MTMR10: variants seen among roughly 807,000 people sequenced by gnomAD.
MTMR10 encodes the protein myotubularin-related protein 10.
In MTMR10, 56 loss-of-function variants were observed where a neutral mutation model predicts 88.1. That is an observed-to-expected ratio of 0.64 (90% CI 0.51 to 0.79). The LOEUF is 0.79. MTMR10 is among the 30% of genes least tolerant of loss of function. MTMR10 has a pLI of 0.00. For synonymous variants in MTMR10, 380 were observed against 340.9 expected (o/e 1.11, Z -1.26); for missense variants, 883 against 924.7 (o/e 0.95, Z 0.58).
chr15:30,948,962 A>G (rs921208865), intron 12 of MTMR10: 1 of 154,648 alleles, frequency 6.5e-6, no homozygotes, highest in Non-Finnish European at 1.4e-5. Flanking sequence ...TATCAAAGTC[A>G]GCCAGGGAAA....
downstream of MTMR10, among the ~76,000 whole-genome samples, chr15:30,936,788 T>C (rs2062866849): frequency 6.6e-6 from 1 of 152,214 alleles, no homozygotes; most frequent in Admixed American, 6.5e-5. Context: ...CTGCAAACCG[T>C]AGAGTACTGG....
chr15:30,922,381 AC>A, the MTMR10 span: 3 of 1,574,634 alleles, frequency 1.9e-6, no homozygotes, highest in African/African-American at 4.1e-5. Context: ...CATATCTGAA[AC>A]ACCTTTTCAT....
At chr15:30,971,061 G>C (rs1174953479) in intron 5 of MTMR10, among the ~76,000 whole-genome samples, 1 of 151,968 alleles carries the variant, frequency 6.6e-6, no homozygotes, top group Non-Finnish European at 1.5e-5. Context: ...TGTTACTGTG[G>C]AACACTCCGA....
intron 13 of MTMR10, 49 bp from the exon 14 acceptor site, chr15:30,947,349 C>T (rs749671667): frequency 1.9e-5 from 29 of 1,564,690 alleles, no homozygotes; most frequent in East Asian, 1.4e-4. Flanking sequence ...ATCCTTCAGC[C>T]GTTCACATTT....
intron 5 of MTMR10, among the ~76,000 whole-genome samples, chr15:30,973,333 G>C (rs1439285555): frequency 6.6e-6 from 1 of 152,022 alleles, no homozygotes; most frequent in Non-Finnish European, 1.5e-5. Context: ...ATTTTCAGAT[G>C]TATTTTCATA....
downstream of MTMR10, among the ~76,000 whole-genome samples, chr15:30,935,636 CAG>C (rs559105817): frequency 1.2e-4 from 18 of 152,268 alleles, no homozygotes; most frequent in South Asian, 1.0e-3. Context: ...ATTTTGGTAA[CAG>C]AGGGGGTCCT....
At chr15:30,933,737 T>C in the MTMR10 span, among the ~76,000 whole-genome samples, 1 of 150,702 alleles carries the variant, frequency 6.6e-6, no homozygotes, top group South Asian at 2.1e-4. Context: ...CTGATTATAA[T>C]TGTGGTATTT....
downstream of MTMR10, chr15:30,937,023 G>A: frequency 7.6e-6 from 7 of 920,852 alleles, no homozygotes; most frequent in Non-Finnish European, 1.2e-5. Flanking sequence ...GAGCAGAAGA[G>A]CCATTTAAAT....
chr15:30,938,183 C>CAA (rs202231365), downstream of MTMR10, among the ~76,000 whole-genome samples: 14 of 133,020 alleles, frequency 1.1e-4, no homozygotes, highest in South Asian at 1.2e-3. Flanking sequence ...GACTCTGTCT[C>CAA]AAAAAAAAAA....
At chr15:30,932,393 G>A in the MTMR10 span, among the ~76,000 whole-genome samples, 1 of 152,052 alleles carries the variant, frequency 6.6e-6, no homozygotes, top group Non-Finnish European at 1.5e-5. Flanking sequence ...GAAGGATATT[G>A]AGCTGTACTT....
At chr15:30,958,031 G>A (rs987719590) in intron 9 of MTMR10, among the ~76,000 whole-genome samples, 25 of 152,302 alleles carry the variant, frequency 1.6e-4, no homozygotes, top group African/African-American at 5.5e-4. Context: ...ATGACCCCCC[G>A]GTTTCTGAGA....
Position 30,967,941 on chromosome 15 carries a change from C to A in MTMR10, c.544G>T (p.Gly182Trp). 2 of 1,560,580 alleles carry A rather than the reference C, an allele frequency of 1.3e-6. No individual in the cohort carries two copies. Among genetic ancestry groups the A allele is most frequent in the East Asian group, 4.7e-5 (2 of 42,172 alleles). Reference protein sequence around the residue: ...LQLLFAFEYVGKKYHNSANKI... With the variant: ...LQLLFAFEYVWKKYHNSANKI... ...TTACCTGAATTGTGGTATTTTTTCC[C>A]AACATATTCAAATGCAAAGAGTAGC... Residue 182 changes from glycine to tryptophan, a missense_variant, in exon 6 of 16, where the codon GGG (glycine) becomes TGG (tryptophan). This residue lies in a region of MTMR10 where 414 missense variants were observed against 423.2 expected (regional missense o/e 0.98). Transcript: ENST00000435680.
At position 30,954,894 on chromosome 15, in the gene MTMR10, CTAA is replaced by C. The variant is rs1285839854; in HGVS notation, c.936-4_936-2del. 6.5e-7 allele frequency: 1 copy of C among 1,540,210 alleles called. No homozygotes were observed. The highest frequency in any genetic ancestry group is 8.8e-7 in the Non-Finnish European group (1 of 1,141,900). ...ACTTTTAGTTATTGCATTACAAATC[CTAA>C]TAAAGACAAAAATACTTTAGTCATT... is the stretch of plus-strand genomic sequence containing the variant. On this transcript the variant is annotated splice_acceptor_variant and splice_polypyrimidine_tract_variant and intron_variant, in intron 9 of 15. Coordinates refer to ENST00000435680, the MANE Select transcript of MTMR10 (RefSeq NM_017762.3). LOFTEE classifies it high-confidence loss of function.
chr15:30,954,981 A>G, intron 9 of MTMR10, 88 bp from the exon 10 acceptor site: 3 of 1,194,668 alleles, frequency 2.5e-6, no homozygotes, highest in Non-Finnish European at 3.4e-6. Flanking sequence ...GGATAGAGAG[A>G]GGAATGAGAC....
chr15:30,930,802 G>A, the MTMR10 span: 2 of 1,108,870 alleles, frequency 1.8e-6, no homozygotes, highest in East Asian at 4.8e-5. Flanking sequence ...CCGAGGGCCT[G>A]GGTTCCTGTG....
the MTMR10 span, chr15:30,927,585 A>C: frequency 0.61 from 597,710 of 985,234 alleles, 182,822 homozygotes; most frequent in East Asian, 0.98. Flanking sequence ...TCACTGTGGT[A>C]CCACGCAGAT....
intron 7 of MTMR10, among the ~76,000 whole-genome samples, chr15:30,959,882 CA>C (rs1256363663): frequency 6.6e-6 from 1 of 151,944 alleles, no homozygotes; most frequent in Non-Finnish European, 1.5e-5. Flanking sequence ...TAAGGCATTC[CA>C]AAAAATTCAT....
intron 2 of MTMR10, among the ~76,000 whole-genome samples, chr15:30,988,569 C>T (rs2031102093): frequency 6.6e-6 from 1 of 152,188 alleles, no homozygotes; most frequent in African/African-American, 2.4e-5. Flanking sequence ...TGGTTTACAA[C>T]TTCCCCAGAA....
intron 5 of MTMR10, 73 bp from the exon 6 acceptor site, chr15:30,968,083 G>C: frequency 9.7e-7 from 1 of 1,033,782 alleles, no homozygotes; most frequent in Non-Finnish European, 1.4e-6. Context: ...AAGGCCTTGG[G>C]CACTGGGAGC....
Sources: allele counts gnomAD v4.1 joint callset (sites outside exome capture counted in the v4.1 genomes callset), GRCh38; gene constraint gnomAD v4.1.1; regional missense constraint gnomAD v4.1.1; transcripts MANE v1.5; gene names NCBI Gene and HGNC (gene_info 2026-07-23, HGNC 2026-07-21).